The following ASTN2 variants were observed in gnomAD, a reference collection of about 807,000 sequenced individuals.
The protein encoded by ASTN2 is astrotactin 2.
In ASTN2, 54 loss-of-function variants were observed where a neutral mutation model predicts 139.8. That is an observed-to-expected ratio of 0.39 (90% CI 0.31 to 0.48). The LOEUF is 0.48. Ranked by LOEUF, ASTN2 falls within the 20% of genes least tolerant of loss-of-function variation. ASTN2 has a pLI of 0.95. For missense variants in ASTN2, 1,565 were observed against 1,725.1 expected (o/e 0.91, Z 1.64); for synonymous variants, 756 against 719.5 (o/e 1.05, Z -0.81).
At chr9:116,677,326 C>CT (rs1447564017) in intron 16 of ASTN2, among the ~76,000 whole-genome samples, 1 of 152,084 alleles carries the variant, frequency 6.6e-6, no homozygotes, top group Non-Finnish European at 1.5e-5. Context: ...AAAAAAACCT[C>CT]TGTTTTCTTC....
chr9:116,873,874 C>G (rs1833228388), intron 10 of ASTN2, among the ~76,000 whole-genome samples: 1 of 152,146 alleles, frequency 6.6e-6, no homozygotes, highest in Non-Finnish European at 1.5e-5. Context: ...GTCTGCTCCC[C>G]CTTCCCCTTC....
At chr9:117,304,018 T>C (rs1229028761) in intron 1 of ASTN2, among the ~76,000 whole-genome samples, 1 of 152,186 alleles carries the variant, frequency 6.6e-6, no homozygotes. Flanking sequence ...AGACAAAACC[T>C]GCTGCTAACC....
At chr9:116,884,714 C>T (rs1359628374) in intron 10 of ASTN2, among the ~76,000 whole-genome samples, 5 of 149,948 alleles carry the variant, frequency 3.3e-5, no homozygotes, top group Middle Eastern at 3.2e-3. Context: ...CCATCTTTGG[C>T]GTTTTTGGCT....
chr9:117,310,091 G>A (rs1827927405), intron 1 of ASTN2, among the ~76,000 whole-genome samples: 2 of 152,088 alleles, frequency 1.3e-5, no homozygotes, highest in South Asian at 2.1e-4. Flanking sequence ...CCTTCTCTGA[G>A]CCAAACATAT....
chr9:116,499,494 T>C (rs1431067090), intron 19 of ASTN2, among the ~76,000 whole-genome samples: 2 of 152,160 alleles, frequency 1.3e-5, no homozygotes, highest in Admixed American at 6.5e-5. Flanking sequence ...CTCAACTGAG[T>C]TCCCACAGCT....
chr9:117,176,670 C>T (rs1830926004), intron 3 of ASTN2, among the ~76,000 whole-genome samples: 2 of 152,180 alleles, frequency 1.3e-5, no homozygotes, highest in Non-Finnish European at 2.9e-5. Flanking sequence ...CAGTGGCTTA[C>T]ACCTCTAAAC....
intron 3 of ASTN2, among the ~76,000 whole-genome samples, chr9:117,168,799 C>T (rs746699483): frequency 1.3e-5 from 2 of 152,112 alleles, no homozygotes; most frequent in Non-Finnish European, 2.9e-5. Flanking sequence ...CTATTCTCTC[C>T]TGCTATATTG....
intron 5 of ASTN2, among the ~76,000 whole-genome samples, chr9:117,090,741 G>A (rs1424290155): frequency 6.6e-6 from 1 of 152,214 alleles, no homozygotes; most frequent in Non-Finnish European, 1.5e-5. Flanking sequence ...AATCCACCCA[G>A]GGCCACATGG....
chr9:117,170,714 A>G (rs998760121), intron 3 of ASTN2, among the ~76,000 whole-genome samples: 1 of 152,160 alleles, frequency 6.6e-6, no homozygotes, highest in African/African-American at 2.4e-5. Flanking sequence ...GTGTTCCAAC[A>G]GAGAAGACAG....
At chr9:117,197,022 A>G (rs541772322) in intron 3 of ASTN2, 5 of 152,338 alleles carry the variant, frequency 3.3e-5, no homozygotes, top group African/African-American at 1.2e-4. Context: ...TCTGTCCTAC[A>G]GAAATATTCT....
At position 117,359,750 on chromosome 9, in the gene ASTN2, G is replaced by T. The variant is rs1214218638; in HGVS notation, c.442+54747C>A. Among the ~76,000 whole-genome samples, 9 of 152,262 alleles carry T rather than the reference G, an allele frequency of 5.9e-5. No homozygotes were observed. The East Asian group carries it at 1.5e-3, about 26-fold the overall frequency. The stretch of plus-strand genomic sequence containing the variant: ...GGTCTTTAACTATCAGAGACAGGGG[G>T]AAGGAGTGGAGTCAGGGATTGCAGA... On this transcript the variant is annotated intron_variant, in intron 1 of 22. Transcript: ENST00000313400.
chr9:116,548,131 C>T (rs538101196), intron 19 of ASTN2, among the ~76,000 whole-genome samples: 4 of 152,256 alleles, frequency 2.6e-5, no homozygotes, highest in African/African-American at 9.6e-5. Context: ...GAGCCAGGAG[C>T]GATTCCCGTA....
chr9:116,788,302 C>A (rs925484269), intron 13 of ASTN2, among the ~76,000 whole-genome samples: 10 of 152,208 alleles, frequency 6.6e-5, no homozygotes, highest in Admixed American at 3.9e-4. Flanking sequence ...TTATATATTT[C>A]AAAAATTTGC....
intron 1 of ASTN2, among the ~76,000 whole-genome samples, chr9:117,326,099 T>C (rs896959694): frequency 6.6e-6 from 1 of 152,040 alleles, no homozygotes; most frequent in Non-Finnish European, 1.5e-5. Context: ...TTCTAATTTT[T>C]CAAGAGAAGC....
At chr9:117,050,163 A>G (rs924402357) in intron 5 of ASTN2, among the ~76,000 whole-genome samples, 1 of 152,060 alleles carries the variant, frequency 6.6e-6, no homozygotes, top group African/African-American at 2.4e-5. Context: ...GAGGGTGGCA[A>G]AGAAGAGCTA....
At chr9:117,267,783 A>T (rs1276310030) in intron 2 of ASTN2, among the ~76,000 whole-genome samples, 4 of 152,118 alleles carry the variant, frequency 2.6e-5, no homozygotes, top group African/African-American at 9.7e-5. Flanking sequence ...CAACAGTTTC[A>T]TGATGTTTCA....
intron 10 of ASTN2, among the ~76,000 whole-genome samples, chr9:116,936,522 C>T (rs752220893): frequency 5.3e-5 from 8 of 152,194 alleles, no homozygotes; most frequent in Admixed American, 1.3e-4. Flanking sequence ...AGTACTTGCA[C>T]TTGACTTAGG....
chr9:116,627,211 G>C (rs1856510253), intron 17 of ASTN2, among the ~76,000 whole-genome samples: 1 of 152,236 alleles, frequency 6.6e-6, no homozygotes, highest in Non-Finnish European at 1.5e-5. Flanking sequence ...AGGCAAGTGA[G>C]ATGAGTCATG....
chr9:116,915,608 T>C (rs2132427271), intron 10 of ASTN2, among the ~76,000 whole-genome samples: 1 of 152,274 alleles, frequency 6.6e-6, no homozygotes, highest in Admixed American at 6.5e-5. Flanking sequence ...ACGTCAATCT[T>C]GGCTACATGA....
Sources: gnomAD v4.1 joint callset for allele counts (sites outside exome capture counted in the v4.1 genomes callset) on GRCh38, gnomAD v4.1.1 for gene constraint, MANE v1.5 for transcripts, NCBI Gene and HGNC (gene_info 2026-07-23, HGNC 2026-07-21) for gene names.